DLGAP2: variants seen among roughly 807,000 people sequenced by gnomAD.
DLGAP2 encodes disks large-associated protein 2.
Under a neutral mutation model 100.3 loss-of-function variants are expected in DLGAP2, and 26 were observed. The observed-to-expected ratio is 0.26, with a 90% CI of 0.19 to 0.36. DLGAP2 has a LOEUF of 0.36. DLGAP2 is among the 10% of genes least tolerant of loss of function. The pLI, the probability that DLGAP2 is intolerant of heterozygous loss-of-function variation, is 1.00. For synonymous variants in DLGAP2, 886 were observed against 630.1 expected, an observed-to-expected ratio of 1.41 and a Z score of -6.08; for missense variants, 1,858 against 1,453.2, an observed-to-expected ratio of 1.28 and a Z score of -4.53.
In DLGAP2 at chr8:1,129,929, T is replaced by G. The variant is rs908179809; in HGVS notation, c.74-128922T>G. On this transcript the variant is annotated intron_variant, in intron 2 of 14. Coordinates refer to ENST00000637795, the MANE Select transcript of DLGAP2 (RefSeq NM_001346810.2). ...CGCTGACTGTGAATTCAGCATCCAT[T>G]CAGCCTTGTAACCCCAGGTGCACAT... Among the ~76,000 whole-genome samples, 3 of 152,168 alleles carry G rather than the reference T, an allele frequency of 2.0e-5. No individual in the cohort carries two copies. In the South Asian group the frequency reaches 6.2e-4, roughly 32 times the overall value.
At chr8:1,209,175 AAAG>A (rs1388708770) in intron 2 of DLGAP2, among the ~76,000 whole-genome samples, 1 of 152,176 alleles carries the variant, frequency 6.6e-6, no homozygotes, top group Non-Finnish European at 1.5e-5. Context: ...TGGAACCAAA[AAAG>A]AGCCTGCATA....
intron 3 of DLGAP2, among the ~76,000 whole-genome samples, chr8:1,363,846 C>T (rs73670788): frequency 3.9e-5 from 6 of 152,052 alleles, no homozygotes; most frequent in Admixed American, 3.3e-4. Context: ...CAGGCCTGGC[C>T]TTGGCCTGCC....
In DLGAP2 at chr8:1,374,230, C is replaced by T. The variant is rs9773633; in HGVS notation, c.106+115347C>T. On this transcript the variant is annotated intron_variant, in intron 3 of 14. Transcript: ENST00000637795. The stretch of plus-strand genomic sequence containing the variant: ...CAGAAGGCTGTGGTGGAGGGTAGGT[C>T]ACGTTTGTAGAGGGCTGTGTAATGG... 1.2e-4 allele frequency among the ~76,000 whole-genome samples: 18 copies of T among 149,156 alleles called. No homozygotes were observed. The East Asian group carries it at 2.8e-3, about 23-fold the overall frequency.
chr8:1,126,845 G>C (rs1796176501), intron 2 of DLGAP2, among the ~76,000 whole-genome samples: 2 of 152,080 alleles, frequency 1.3e-5, no homozygotes, highest in Non-Finnish European at 1.5e-5. Flanking sequence ...TTGTGGTGCA[G>C]ATGAGGGGCC....
At chr8:1,656,791 T>C (rs151299005) in intron 8 of DLGAP2, among the ~76,000 whole-genome samples, 1 of 152,328 alleles carries the variant, frequency 6.6e-6, no homozygotes. Flanking sequence ...CTTTTCTTCG[T>C]GCCCCAAGTC....
intron 3 of DLGAP2, among the ~76,000 whole-genome samples, chr8:1,349,477 G>A (rs375701915): frequency 1.7e-5 from 2 of 115,832 alleles, no homozygotes; most frequent in African/African-American, 6.0e-5. Flanking sequence ...CTCATGTCAT[G>A]AGCCTCCCGC....
rs768383340 is a variant in DLGAP2, at chr8:1,549,000, G to T, written c.547G>T (p.Ala183Ser). 2.5e-6 allele frequency: 4 copies of T among 1,598,734 alleles called. No homozygotes were observed. The East Asian group carries it at 6.7e-5, about 27-fold the overall frequency. ...RDDCAVAHAG[A>S]KINRIPANLL... ...CGACTGCGCTGTGGCCCACGCGGGC[G>T]CCAAGATCAACCGCATCCCGGCCAA... Residue 183 changes from alanine (A) to serine (S), a missense_variant, in exon 5 of 15, where the codon GCC becomes TCC. Physicochemically the swap from Ala to Ser is moderately conservative, Grantham distance 99 (BLOSUM62 1). Coordinates refer to ENST00000637795, the MANE Select transcript of DLGAP2 (RefSeq NM_001346810.2).
At chr8:1,485,805 A>C (rs1799221475) in intron 3 of DLGAP2, among the ~76,000 whole-genome samples, 1 of 152,168 alleles carries the variant, frequency 6.6e-6, no homozygotes, top group African/African-American at 2.4e-5. Context: ...CAGATGGATC[A>C]CTTGAAGTTA....
At chr8:1,286,374 A>G (rs965285395) in intron 3 of DLGAP2, among the ~76,000 whole-genome samples, 4 of 152,240 alleles carry the variant, frequency 2.6e-5, no homozygotes, top group Non-Finnish European at 5.9e-5. Context: ...CGACTAATAT[A>G]CCAATGAATA....
At chr8:1,520,993 C>T (rs961550184) in intron 4 of DLGAP2, among the ~76,000 whole-genome samples, 2 of 152,182 alleles carry the variant, frequency 1.3e-5, no homozygotes, top group Non-Finnish European at 2.9e-5. Context: ...GTTCCTGAGG[C>T]TCCGCGTCCT....
chr8:1,527,263 T>C (rs1235242583), intron 4 of DLGAP2, among the ~76,000 whole-genome samples: 2 of 152,210 alleles, frequency 1.3e-5, no homozygotes, highest in Non-Finnish European at 2.9e-5. Flanking sequence ...ACCAGAGCCT[T>C]TGCTGCCCCA....
At chr8:793,716 C>G (rs531681998) in intron 1 of DLGAP2, among the ~76,000 whole-genome samples, 8 of 152,246 alleles carry the variant, frequency 5.3e-5, no homozygotes, top group Admixed American at 5.2e-4. Context: ...CCACAGCTCA[C>G]AGACTTTCTC....
At chr8:899,331 C>G (rs1192625784) in intron 1 of DLGAP2, among the ~76,000 whole-genome samples, 2 of 152,240 alleles carry the variant, frequency 1.3e-5, no homozygotes, top group Non-Finnish European at 2.9e-5. Context: ...GAGACGTCCC[C>G]TGAGCAGCCT....
rs748221303 is a variant in DLGAP2, at chr8:1,704,716, G to C, written c.*3310G>C. On this transcript the variant is annotated 3_prime_UTR_variant, in exon 15 of 15. Coordinates refer to ENST00000637795, the MANE Select transcript of DLGAP2 (RefSeq NM_001346810.2). ...TTCTAAAAACTTCAAGCACTTAATG[G>C]AAAGGTAAATGGTCAGATAAAAATA... 55 of 152,022 alleles carry C rather than the reference G, an allele frequency of 3.6e-4. No individual in the cohort carries two copies. The highest frequency in any genetic ancestry group is 1.3e-3 in the African/African-American group (53 of 41,440). The allele number at this position is 152,022 out of a possible 1,614,324, so 9.4% of individuals were successfully genotyped here.
intron 2 of DLGAP2, among the ~76,000 whole-genome samples, chr8:1,229,073 A>G (rs1278767842): frequency 2.0e-5 from 3 of 152,218 alleles, no homozygotes; most frequent in African/African-American, 4.8e-5. Flanking sequence ...GAATTCAGCA[A>G]GATTGTAGGA....
chr8:1,463,450 C>A (rs561998469), intron 3 of DLGAP2, among the ~76,000 whole-genome samples: 1 of 152,318 alleles, frequency 6.6e-6, no homozygotes, highest in East Asian at 1.9e-4. Context: ...CCCATGCTCC[C>A]CAGGAACTCC....
chr8:1,601,704 C>T (rs956083685), intron 6 of DLGAP2, among the ~76,000 whole-genome samples: 2 of 152,158 alleles, frequency 1.3e-5, no homozygotes, highest in Admixed American at 6.5e-5. Context: ...ATTATGAGAC[C>T]AAGCCTGGTC....
intron 1 of DLGAP2, among the ~76,000 whole-genome samples, chr8:891,934 C>T (rs371040107): frequency 9.9e-5 from 15 of 152,280 alleles, no homozygotes; most frequent in African/African-American, 2.2e-4. Context: ...CTGGGGGCTG[C>T]GCCACACAGA....
At chr8:1,579,413 G>A (rs866970528) in intron 6 of DLGAP2, among the ~76,000 whole-genome samples, 10 of 151,994 alleles carry the variant, frequency 6.6e-5, no homozygotes, top group South Asian at 2.1e-4. Context: ...TCCATGGGGC[G>A]TAATTATAAA....
Sources: gnomAD v4.1 joint callset for allele counts (sites outside exome capture counted in the v4.1 genomes callset) on GRCh38, gnomAD v4.1.1 for gene constraint, MANE v1.5 for transcripts, NCBI Gene and HGNC (gene_info 2026-07-23, HGNC 2026-07-21) for gene names.